The following SCAF11 variants were observed in gnomAD, a reference collection of about 807,000 sequenced individuals.
SCAF11 encodes the protein SR-related CTD associated factor 11.
Under a neutral mutation model 140.5 loss-of-function variants are expected in SCAF11, and 47 were observed. The observed-to-expected ratio is 0.33, with a 90% CI of 0.26 to 0.43. The LOEUF (loss-of-function observed/expected upper bound fraction) is 0.43, where lower values mean the gene tolerates loss of function less well. Among genes scored for constraint, SCAF11 ranks in the 20% least tolerant of loss-of-function variants. The probability of loss-of-function intolerance (pLI) is 1.00; values close to 1 mark genes in which losing one functional copy is unlikely to be tolerated. For missense variants in SCAF11, 1,645 were observed against 1,705.1 expected (o/e 0.96, Z 0.62); for synonymous variants, 557 against 579.4 (o/e 0.96, Z 0.55).
intron 1 of SCAF11, among the ~76,000 whole-genome samples, chr12:45,979,258 T>C (rs1387061064): frequency 6.6e-6 from 1 of 151,642 alleles, no homozygotes; most frequent in Non-Finnish European, 1.5e-5. Flanking sequence ...TACTGTTGCA[T>C]TCAGGATTAA....
intron 3 of SCAF11, among the ~76,000 whole-genome samples, chr12:45,959,053 C>G (rs1260739054): frequency 6.6e-6 from 1 of 152,062 alleles, no homozygotes; most frequent in East Asian, 1.9e-4. Context: ...AATCATATTT[C>G]AGTGAACCTT....
At chr12:45,973,177 T>A (rs1430551408) in intron 1 of SCAF11, among the ~76,000 whole-genome samples, 1 of 147,170 alleles carries the variant, frequency 6.8e-6, no homozygotes, top group Non-Finnish European at 1.5e-5. Flanking sequence ...AAAAATACAC[T>A]GAATAGACTC....
intron 6 of SCAF11, among the ~76,000 whole-genome samples, chr12:45,943,777 A>G (rs1226648409): frequency 1.3e-5 from 2 of 152,168 alleles, no homozygotes; most frequent in Non-Finnish European, 2.9e-5. Flanking sequence ...AAACCAAACA[A>G]ACGACTTCAG....
rs199864732 is a variant in SCAF11 at position 45,924,867 on chromosome 12, T to C, written c.3767A>G (p.His1256Arg). ...CATGAGGGGCACTCCTGTGTGGAGA[T>C]GCAAGGGTAGCTGAGGATGAATGTT... ...PFNIHPQLPL[H>R]LHTGVPLMQV... is the part of the protein sequence containing the mutation. Residue 1256 changes from histidine to arginine, a missense_variant, in exon 12 of 15, where the codon CAT becomes CGT. Transcript: ENST00000369367. 1.9e-6 allele frequency: 3 copies of C among 1,614,132 alleles called. No individual in the cohort carries two copies. Among genetic ancestry groups the C allele is most frequent in the East Asian group, 4.5e-5 (2 of 44,882 alleles).
At chr12:45,984,773 C>T (rs1946424773) in intron 1 of SCAF11, among the ~76,000 whole-genome samples, 1 of 151,040 alleles carries the variant, frequency 6.6e-6, no homozygotes, top group Admixed American at 6.6e-5. Context: ...TGGCCCACTG[C>T]AAACTCCACC....
At chr12:45,980,715 A>C in intron 1 of SCAF11, among the ~76,000 whole-genome samples, 1 of 152,202 alleles carries the variant, frequency 6.6e-6, no homozygotes, top group East Asian at 1.9e-4. Flanking sequence ...GTCCAGTGGT[A>C]ATAAATAGCA....
chr12:45,968,009 A>G (rs559550258), intron 1 of SCAF11, among the ~76,000 whole-genome samples: 1 of 152,348 alleles, frequency 6.6e-6, no homozygotes, highest in African/African-American at 2.4e-5. Flanking sequence ...TTTGTGGTCA[A>G]TAGCCCTAAG....
intron 13 of SCAF11, 44 bp from the exon 14 acceptor site, chr12:45,922,626 T>C (rs772143580): frequency 1.1e-5 from 17 of 1,540,542 alleles, no homozygotes; most frequent in Non-Finnish European, 1.5e-5. Context: ...CCAGTCATAC[T>C]GCTCTCACAA....
chr12:45,930,879 G>GT (rs1370223647), intron 10 of SCAF11: 1 of 151,656 alleles, frequency 6.6e-6, no homozygotes, highest in African/African-American at 2.4e-5. Context: ...CGATTTTTCT[G>GT]TTTTTTCAGT....
intron 6 of SCAF11, among the ~76,000 whole-genome samples, chr12:45,944,067 G>A (rs1945366767): frequency 6.6e-6 from 1 of 152,094 alleles, no homozygotes; most frequent in Non-Finnish European, 1.5e-5. Flanking sequence ...ACAGTTGTCA[G>A]TGGTCTTAAA....
rs11348395 is a variant in SCAF11 at position 45,945,209 on chromosome 12, C to CA, written c.463+39dup. On this transcript the variant is annotated intron_variant, in intron 6 of 14. Transcript: ENST00000369367. ...ACACAACCATTAAATTAAAAAACAA[C>CA]AAAAAAAAAGGTAGAATCCACAAGC... 1,297 of 1,221,084 alleles carry CA rather than the reference C, an allele frequency of 1.1e-3. 1 individual carries two copies. Among genetic ancestry groups the CA allele is most frequent in the African/African-American group, 1.3e-3 (82 of 64,532 alleles). 75.6% of individuals were successfully genotyped at this position (1,221,084 alleles called of 1,614,324 possible).
chr12:45,943,654 G>T (rs1366594540), intron 6 of SCAF11, among the ~76,000 whole-genome samples: 1 of 152,128 alleles, frequency 6.6e-6, no homozygotes, highest in African/African-American at 2.4e-5. Context: ...ACCATACCCA[G>T]TTCCCTTCAA....
chr12:45,981,654 G>A lies in SCAF11; in HGVS notation c.-22+8699C>T, dbSNP rs371735213. ...CTAACAAAAATTTAAAAAATTAGCC[G>A]AGTGTGGTGGCATGCCTGTAGTACT... is the stretch of plus-strand genomic sequence containing the variant. On this transcript the variant is annotated intron_variant, in intron 1 of 14. Coordinates refer to ENST00000369367, the MANE Select transcript of SCAF11 (RefSeq NM_004719.3). Among the ~76,000 whole-genome samples the A allele has an allele frequency of 2.4e-3, 358 of 152,100 alleles. 12 individuals carry two copies. In the South Asian group the frequency reaches 0.067, roughly 29 times the overall value.
At chr12:45,988,117 G>T (rs1018051253) in intron 1 of SCAF11, among the ~76,000 whole-genome samples, 1 of 152,116 alleles carries the variant, frequency 6.6e-6, no homozygotes, top group African/African-American at 2.4e-5. Context: ...CTTATTTTGG[G>T]GGACAGAGTA....
chr12:45,972,933 T>TAG (rs1565689052), intron 1 of SCAF11, among the ~76,000 whole-genome samples: 3 of 52,732 alleles, frequency 5.7e-5, no homozygotes, highest in East Asian at 9.4e-4. Flanking sequence ...TATATAGATA[T>TAG]ATATAGATAT....
At chr12:45,937,153 T>A (rs1276737051) in intron 6 of SCAF11, among the ~76,000 whole-genome samples, 1 of 152,094 alleles carries the variant, frequency 6.6e-6, no homozygotes, top group Non-Finnish European at 1.5e-5. Context: ...AAAAATAAAT[T>A]TTTGCATTTT....
At chr12:45,971,693 G>A (rs1483064021) in intron 1 of SCAF11, among the ~76,000 whole-genome samples, 1 of 152,096 alleles carries the variant, frequency 6.6e-6, no homozygotes, top group Non-Finnish European at 1.5e-5. Flanking sequence ...CAGAAAGAGA[G>A]GGGGAAACTG....
intron 6 of SCAF11, among the ~76,000 whole-genome samples, chr12:45,939,623 A>G (rs929381194): frequency 6.6e-5 from 10 of 152,190 alleles, no homozygotes; most frequent in African/African-American, 2.4e-4. Flanking sequence ...GTTTGAACCC[A>G]GGAGGCGGAG....
At position 45,926,144 on chromosome 12, in the gene SCAF11, T is replaced by C. The variant is rs778525564; in HGVS notation, c.3557A>G (p.Gln1186Arg). 3 of 1,606,326 alleles carry C rather than the reference T, an allele frequency of 1.9e-6. No individual in the cohort carries two copies. Among genetic ancestry groups the C allele is most frequent in the Admixed American group, 1.7e-5 (1 of 59,302 alleles). Residue 1186 changes from glutamine to arginine, a missense_variant and splice_region_variant, in exon 11 of 15, where the codon CAG becomes CGG. Gln to Arg is a conservative substitution (Grantham distance 43). Transcript: ENST00000369367. ...ATAAACCAACAAGAATACATTACCC[T>C]GTCCAGATGTTTCCTCCTCTTGTTT... ...WMKQEEETSG[Q>R]DSSLKDQTNQ...
Sources: allele counts gnomAD v4.1 joint callset (sites outside exome capture counted in the v4.1 genomes callset), GRCh38; gene constraint gnomAD v4.1.1; transcripts MANE v1.5; gene names NCBI Gene and HGNC (gene_info 2026-07-23, HGNC 2026-07-21).